The following PCDH17 variants were observed in gnomAD, a reference collection of about 807,000 sequenced individuals.
The protein encoded by PCDH17 is protocadherin 17.
PCDH17 carries 21 observed loss-of-function variants against 67.7 expected under a neutral mutation model. The observed-to-expected ratio is 0.31, with a 90% CI of 0.22 to 0.45. PCDH17 has a LOEUF of 0.45. Among genes scored for constraint, PCDH17 ranks in the 20% least tolerant of loss-of-function variants. The pLI, the probability that PCDH17 is intolerant of heterozygous loss-of-function variation, is 1.00. For synonymous variants in PCDH17, 701 were observed against 656.7 expected, an observed-to-expected ratio of 1.07 and a Z score of -1.03; for missense variants, 1,471 against 1,564.8, an observed-to-expected ratio of 0.94 and a Z score of 1.01.
At chr13:57,656,277 A>G (rs1262351156) in intron 1 of PCDH17, among the ~76,000 whole-genome samples, 4 of 152,180 alleles carry the variant, frequency 2.6e-5, no homozygotes, top group Non-Finnish European at 5.9e-5. Context: ...AAGCATGTCC[A>G]TAGTAGCTAA....
At chr13:57,723,481 A>C (rs1351731306) in intron 3 of PCDH17, among the ~76,000 whole-genome samples, 2 of 152,168 alleles carry the variant, frequency 1.3e-5, no homozygotes, top group East Asian at 3.9e-4. Context: ...TTTCTTGCAC[A>C]GGACACTCTA....
At chr13:57,694,492 C>G (rs1291874450) in intron 3 of PCDH17, among the ~76,000 whole-genome samples, 1 of 150,958 alleles carries the variant, frequency 6.6e-6, no homozygotes, top group Non-Finnish European at 1.5e-5. Context: ...AATGCATGTC[C>G]AGAAAGTATT....
intron 3 of PCDH17, among the ~76,000 whole-genome samples, chr13:57,702,773 AGACCCATAGGAGAACACT>A (rs1386827068): frequency 3.3e-5 from 5 of 152,200 alleles, no homozygotes; most frequent in Admixed American, 3.3e-4. Context: ...AGACCCACAT[AGACCCATAGGAGAACACT>A]GTCCTGCTCT....
At chr13:57,650,218 T>TTGTGTGTGTGTGTGTGTG (rs67398023) in intron 1 of PCDH17, among the ~76,000 whole-genome samples, 28 of 137,480 alleles carry the variant, frequency 2.0e-4, no homozygotes, top group African/African-American at 3.0e-4. Flanking sequence ...GGACCCTTGA[T>TTGTGTGTGTGTGTGTGTG]TGTGTGTGTG....
At chr13:57,657,392 A>C (rs1955119416) in intron 1 of PCDH17, among the ~76,000 whole-genome samples, 1 of 152,234 alleles carries the variant, frequency 6.6e-6, no homozygotes, top group Non-Finnish European at 1.5e-5. Flanking sequence ...ATTATTTTGA[A>C]AACCACTGAT....
At chr13:57,714,855 A>C (rs373781744) in intron 3 of PCDH17, among the ~76,000 whole-genome samples, 1 of 151,848 alleles carries the variant, frequency 6.6e-6, no homozygotes, top group Non-Finnish European at 1.5e-5. Flanking sequence ...ATGCAGTAGA[A>C]GAAAAAAACA....
chr13:57,699,567 C>A (rs1319392875), intron 3 of PCDH17, among the ~76,000 whole-genome samples: 3 of 151,810 alleles, frequency 2.0e-5, no homozygotes, highest in Non-Finnish European at 4.4e-5. Flanking sequence ...TCTTTACTAG[C>A]TCCTTTATAT....
At chr13:57,648,799 T>A (rs1035476977) in intron 1 of PCDH17, among the ~76,000 whole-genome samples, 1 of 151,960 alleles carries the variant, frequency 6.6e-6, no homozygotes, top group Non-Finnish European at 1.5e-5. Flanking sequence ...GGGAAAAAAA[T>A]TAATGAAACT....
At chr13:57,679,174 A>T (rs932719854) in intron 3 of PCDH17, among the ~76,000 whole-genome samples, 2 of 151,574 alleles carry the variant, frequency 1.3e-5, no homozygotes, top group Non-Finnish European at 3.0e-5. Context: ...AATAAGGAAT[A>T]TGCAGTCTTA....
chr13:57,722,565 C>G (rs1459961807), intron 3 of PCDH17, among the ~76,000 whole-genome samples: 2 of 151,962 alleles, frequency 1.3e-5, no homozygotes, highest in African/African-American at 2.4e-5. Context: ...GTAAAGGAAA[C>G]AAATGACTGA....
At chr13:57,712,712 T>C (rs1273454349) in intron 3 of PCDH17, among the ~76,000 whole-genome samples, 1 of 151,614 alleles carries the variant, frequency 6.6e-6, no homozygotes, top group Non-Finnish European at 1.5e-5. Context: ...AACTCAAATA[T>C]AGCATGTTTG....
At chr13:57,656,376 A>T (rs1877534182) in intron 1 of PCDH17, among the ~76,000 whole-genome samples, 1 of 152,172 alleles carries the variant, frequency 6.6e-6, no homozygotes, top group African/African-American at 2.4e-5. Context: ...AAATTTAATT[A>T]TATCTAATTT....
chr13:57,704,564 C>CA lies in PCDH17; in HGVS notation c.2798-20036dup, dbSNP rs112583999. On this transcript the variant is annotated intron_variant, in intron 3 of 3. Transcript: ENST00000377918. ...CAGCTTGCTGACTCAAATCTCTATC[C>CA]AAAAAAAAAAAACAAAAAAACTACT... 7.5e-3 allele frequency among the ~76,000 whole-genome samples: 914 copies of CA among 122,044 alleles called. 3 individuals are homozygous for CA. The highest frequency in any genetic ancestry group is 0.019 in the African/African-American group (620 of 33,186). The allele number at this position is 122,044 out of a possible 152,430, so 80.1% of individuals were successfully genotyped here. A position where few individuals can be genotyped will look rare whatever the true frequency, so the allele number is the denominator to read the frequency against.
Position 57,666,505 on chromosome 13 carries a change from G to T in PCDH17, c.2603G>T (p.Ser868Ile). 4 of 1,613,704 alleles carry T rather than the reference G, an allele frequency of 2.5e-6. No individual in the cohort carries two copies. The highest frequency in any genetic ancestry group is 3.4e-6 in the Non-Finnish European group (4 of 1,179,680). Residue 868 changes from serine (S) to isoleucine (I), a missense_variant, in exon 2 of 4, where the codon AGC (serine) becomes ATC (isoleucine). Ser to Ile is a moderately radical substitution (Grantham distance 142). Around this residue, in one of 3 missense-constraint regions of PCDH17, gnomAD observed 1,163 missense variants for 1,230.0 expected, o/e 0.95. Coordinates refer to ENST00000377918, the MANE Select transcript of PCDH17 (RefSeq NM_001040429.3). Reference sequence around the variant, plus strand: ...CCCGCAGAGCCCAATTACATGGGCAGCAGGCAGCAGTTTGTTCAAAGGTAA... The same window carrying T: ...CCCGCAGAGCCCAATTACATGGGCATCAGGCAGCAGTTTGTTCAAAGGTAA... Reference protein sequence around the residue: ...NFPAEPNYMGSRQQFVQSSST... With the variant: ...NFPAEPNYMGIRQQFVQSSST...
intron 3 of PCDH17, among the ~76,000 whole-genome samples, chr13:57,681,764 C>A (rs973730752): frequency 6.6e-6 from 1 of 151,774 alleles, no homozygotes. Context: ...TCTATCTCCC[C>A]ATTCAGTGCC....
intron 3 of PCDH17, among the ~76,000 whole-genome samples, chr13:57,683,418 C>A (rs1346382285): frequency 2.0e-5 from 3 of 151,736 alleles, no homozygotes; most frequent in African/African-American, 2.4e-5. Context: ...AGAATGAGTG[C>A]AATCCATTTT....
At chr13:57,665,695 T>C (rs1398953692) in intron 1 of PCDH17, among the ~76,000 whole-genome samples, 1 of 152,172 alleles carries the variant, frequency 6.6e-6, no homozygotes, top group Non-Finnish European at 1.5e-5. Flanking sequence ...TGTTCCATGA[T>C]ACAAGGAGAA....
intron 1 of PCDH17, among the ~76,000 whole-genome samples, chr13:57,646,462 G>A (rs919060386): frequency 1.3e-5 from 2 of 151,332 alleles, no homozygotes; most frequent in African/African-American, 4.8e-5. Flanking sequence ...GTATTATTTA[G>A]TACTTTTAAG....
At chr13:57,721,875 A>G (rs1955874609) in intron 3 of PCDH17, among the ~76,000 whole-genome samples, 1 of 151,844 alleles carries the variant, frequency 6.6e-6, no homozygotes, top group Non-Finnish European at 1.5e-5. Flanking sequence ...GTATTTACCT[A>G]TTCATCCATT....
Sources: allele counts gnomAD v4.1 joint callset (sites outside exome capture counted in the v4.1 genomes callset), GRCh38; gene constraint gnomAD v4.1.1; regional missense constraint gnomAD v4.1.1; transcripts MANE v1.5; gene names NCBI Gene and HGNC (gene_info 2026-07-23, HGNC 2026-07-21).